Variants in RBM25 observed in about 807,000 individuals in gnomAD.
RBM25 encodes the protein RNA binding motif protein 25.
A neutral mutation model predicts 120.7 loss-of-function variants in RBM25; 19 were observed. The ratio of observed to expected loss-of-function variants is 0.16; its 90% confidence interval spans 0.11 to 0.23. The LOEUF (loss-of-function observed/expected upper bound fraction) is 0.23, where lower values mean the gene tolerates loss of function less well. Ranked by LOEUF, RBM25 falls within the 10% of genes least tolerant of loss-of-function variation. The pLI, the probability that RBM25 is intolerant of heterozygous loss-of-function variation, is 1.00. For missense variants in RBM25, 605 were observed against 1,041.5 expected, an observed-to-expected ratio of 0.58 and a Z score of 5.77; for synonymous variants, 390 against 326.7, an observed-to-expected ratio of 1.19 and a Z score of -2.09.
At chr14:73,112,790 G>GTT (rs1594936097) in intron 17 of RBM25, among the ~76,000 whole-genome samples, 1 of 151,284 alleles carries the variant, frequency 6.6e-6, no homozygotes, top group Non-Finnish European at 1.5e-5. Context: ...GTTTTGTTTT[G>GTT]TTTTTTGTTT....
intron 13 of RBM25, 133 bp from the exon 14 acceptor site, chr14:73,109,209 C>G (rs545139603): frequency 7.6e-6 from 7 of 923,610 alleles, no homozygotes; most frequent in African/African-American, 1.7e-5. Flanking sequence ...TCCGTAGATA[C>G]AGAACATTAA....
chr14:73,061,180 C>A (rs1191800509), intron 1 of RBM25, among the ~76,000 whole-genome samples: 1 of 150,928 alleles, frequency 6.6e-6, no homozygotes, highest in East Asian at 1.9e-4. Context: ...GCCTCATCCT[C>A]CATAGAAGCT....
intron 6 of RBM25, among the ~76,000 whole-genome samples, chr14:73,095,324 T>C (rs1278337211): frequency 6.3e-3 from 1 of 158 alleles, no homozygotes; most frequent in African/African-American, 0.033. Context: ...AAGAATTTGT[T>C]GATGGGTGTG....
Position 73,078,227 on chromosome 14 carries a change from C to T in RBM25, c.324+691C>T, listed in dbSNP as rs531038834. On this transcript the variant is annotated intron_variant, in intron 4 of 18. Transcript: ENST00000261973. ...CTGAAGCAGGAGAATCCCTTGAACC[C>T]GTGAGATGGAGGCTGCAGTGAGCTG... Among the ~76,000 whole-genome samples, 11 of 152,166 alleles carry T rather than the reference C, an allele frequency of 7.2e-5. No individual in the cohort carries two copies. The East Asian group carries it at 1.9e-3, about 27-fold the overall frequency.
At position 73,121,546 on chromosome 14, in the gene RBM25, T is replaced by G. The variant is rs561902536; in HGVS notation, c.*1741T>G. On this transcript the variant is annotated 3_prime_UTR_variant, in exon 19 of 19. Transcript: ENST00000261973. ...AATTCTGGTTTCTCAACGGAAAATT[T>G]CAGAAAAGATGCCCCTTGCCATTTT... The G allele has an allele frequency of 6.6e-6, 1 of 152,356 alleles. No homozygotes were observed. The highest frequency in any genetic ancestry group is 2.4e-5 in the African/African-American group (1 of 41,586). The allele number at this position is 152,356 out of a possible 1,614,324, so 9.4% of individuals were successfully genotyped here.
chr14:73,059,332 C>G (rs945202934), intron 1 of RBM25: 4 of 152,214 alleles, frequency 2.6e-5, no homozygotes, highest in African/African-American at 9.6e-5. Context: ...CATCCTGCCT[C>G]TTTTGCGCAT....
At chr14:73,110,747 A>G in intron 14 of RBM25, 84 bp from the exon 15 acceptor site, 10 of 1,479,360 alleles carry the variant, frequency 6.8e-6, no homozygotes, top group Non-Finnish European at 9.0e-6. Context: ...TTTCATAAAG[A>G]TATTTTACAA....
intron 1 of RBM25, among the ~76,000 whole-genome samples, chr14:73,064,540 G>A (rs1158091278): frequency 1.3e-5 from 2 of 150,890 alleles, no homozygotes; most frequent in African/African-American, 2.4e-5. Context: ...GACTACGGGC[G>A]CCTACCACCA....
chr14:73,093,333 A>G (rs1296349790), intron 6 of RBM25, among the ~76,000 whole-genome samples: 2 of 152,240 alleles, frequency 1.3e-5, no homozygotes, highest in African/African-American at 4.8e-5. Context: ...GTGCCAAAGA[A>G]TGAGCCCAGC....
At chr14:73,062,598 T>G in intron 1 of RBM25, among the ~76,000 whole-genome samples, 1 of 151,582 alleles carries the variant, frequency 6.6e-6, no homozygotes. Context: ...AAAAATAGTT[T>G]GAAAGATTCA....
intron 1 of RBM25, chr14:73,068,253 A>C (rs917813350): frequency 3.5e-6 from 3 of 864,696 alleles, no homozygotes; most frequent in Non-Finnish European, 5.9e-6. Flanking sequence ...ATATTTTTAT[A>C]AACCATTTAG....
In RBM25 at chr14:73,076,243, A is replaced by G. The variant is rs1051839940; in HGVS notation, c.107-76A>G. ...TTTCCACTTATGTTAATTATGAGTA[A>G]GGATACTTAATTGTGTGGCATGTTG... On this transcript the variant is annotated intron_variant, in intron 2 of 18. Transcript: ENST00000261973. The G allele has an allele frequency of 1.2e-5, 14 of 1,152,920 alleles. No individual in the cohort carries two copies. The African/African-American group carries it at 2.0e-4, about 16-fold the overall frequency. 71.4% of individuals were successfully genotyped at this position (1,152,920 alleles called of 1,614,324 possible).
At chr14:73,063,106 G>A (rs1265786301) in intron 1 of RBM25, among the ~76,000 whole-genome samples, 1 of 151,044 alleles carries the variant, frequency 6.6e-6, no homozygotes, top group Non-Finnish European at 1.5e-5. Context: ...ACAGGTATGA[G>A]CCACTGCACC....
chr14:73,111,113 C>T lies in RBM25; in HGVS notation c.1975C>T (p.Pro659Ser), dbSNP rs761714715. ...PHENSPDQQQ[P>S]EEHRPKIGLS... is the part of the protein sequence containing the mutation. ...TGAAAACTCACCAGATCAACAGCAA[C>T]CTGAGGAGCATAGGCCAAAAATAGG... Residue 659 changes from proline to serine, a missense_variant, in exon 15 of 19, where the codon CCT becomes TCT. Physicochemically the swap from Pro to Ser is moderately conservative, Grantham distance 74. This residue lies in a region of RBM25 where 465 missense variants were observed against 741.6 expected (regional missense o/e 0.63). Coordinates refer to ENST00000261973, the MANE Select transcript of RBM25 (RefSeq NM_021239.3). The T allele has an allele frequency of 1.2e-6, 2 of 1,614,108 alleles. No homozygotes were observed. Among genetic ancestry groups the T allele is most frequent in the South Asian group, 2.2e-5 (2 of 91,074 alleles).
At chr14:73,067,346 T>C (rs1350023090) in intron 1 of RBM25, among the ~76,000 whole-genome samples, 1 of 152,190 alleles carries the variant, frequency 6.6e-6, no homozygotes, top group Non-Finnish European at 1.5e-5. Flanking sequence ...GAGCTGAAAG[T>C]GGAGCCAACT....
intron 1 of RBM25, among the ~76,000 whole-genome samples, chr14:73,061,566 G>C (rs1220452402): frequency 6.6e-6 from 1 of 151,116 alleles, no homozygotes; most frequent in Non-Finnish European, 1.5e-5. Context: ...AGATAGCGCT[G>C]CTTTTTTGTT....
intron 13 of RBM25, among the ~76,000 whole-genome samples, chr14:73,108,381 G>A (rs538263735): frequency 2.6e-4 from 40 of 152,254 alleles, no homozygotes; most frequent in Non-Finnish European, 4.3e-4. Flanking sequence ...AAGTTACAAC[G>A]AATCTCTGTA....
chr14:73,095,012 A>G (rs1044171031), intron 6 of RBM25, among the ~76,000 whole-genome samples: 4 of 151,086 alleles, frequency 2.6e-5, no homozygotes, highest in African/African-American at 9.7e-5. Flanking sequence ...ACATGTCACC[A>G]TGCCCAGCTA....
chr14:73,108,045 A>C (rs1490923266), intron 13 of RBM25, 146 bp downstream of exon 13: 7 of 649,682 alleles, frequency 1.1e-5, no homozygotes, highest in Non-Finnish European at 1.6e-5. Context: ...TATAGCTAAT[A>C]CACTGTTTTC....
Sources: gnomAD v4.1 joint callset for allele counts (sites outside exome capture counted in the v4.1 genomes callset) on GRCh38, gnomAD v4.1.1 for gene constraint, gnomAD v4.1.1 regional missense constraint, MANE v1.5 for transcripts, NCBI Gene and HGNC (gene_info 2026-07-23, HGNC 2026-07-21) for gene names.